DNAH2: variants seen among roughly 807,000 people sequenced by gnomAD.
DNAH2 encodes axonemal beta dynein heavy chain 2.
A neutral mutation model predicts 523.5 loss-of-function variants in DNAH2; 323 were observed. The ratio of observed to expected loss-of-function variants is 0.62; its 90% CI spans 0.56 to 0.68. DNAH2 has a LOEUF of 0.68. Ranked by LOEUF, DNAH2 falls within the 30% of genes least tolerant of loss-of-function variation. The pLI is 0.00. For missense variants in DNAH2, 4,907 were observed against 5,701.5 expected (o/e 0.86, Z 4.49); for synonymous variants, 2,093 against 2,177.4 (o/e 0.96, Z 1.08).
Position 7,798,702 on chromosome 17 carries a change from C to T in DNAH2, c.8543C>T (p.Pro2848Leu). The change falls in exon 55 of 86, where the codon CCT becomes CTT. Residue 2848 changes from proline (P) to leucine (L), a missense_variant. Physicochemically the swap from Pro to Leu is moderately conservative, Grantham distance 98. This residue lies in a region of DNAH2 where 1,851 missense variants were observed against 2,139.4 expected (regional missense o/e 0.87). Coordinates refer to ENST00000572933, the MANE Select transcript of DNAH2 (RefSeq NM_020877.5). The surrounding 1 kb of genome is among the most constrained non-coding windows in gnomAD (Gnocchi z 5.5). ...SSGEVPNLYK[P>L]DEFEEIQSHI... ...GGCGAGGTGCCCAATCTCTACAAGC[C>T]TGATGAATTTGAAGAGGTAGGATTC... 6.2e-7 allele frequency: 1 copy of T among 1,613,622 alleles called. No individual in the cohort carries two copies. Among genetic ancestry groups the T allele is most frequent in the Non-Finnish European group, 8.5e-7 (1 of 1,179,978 alleles).
At position 7,760,086 on chromosome 17, in the gene DNAH2, C is replaced by T. The variant is rs887676903; in HGVS notation, c.2785+148C>T. ...GAAAACTCAGGTCAAGGGGCCAGAT[C>T]GGCTGGCACAGTGGCTTGTGCCTGT... is the stretch of plus-strand genomic sequence containing the variant. On this transcript the variant is annotated intron_variant, in intron 17 of 85. Coordinates refer to ENST00000572933, the MANE Select transcript of DNAH2 (RefSeq NM_020877.5). The surrounding 1 kb of genome is among the most constrained non-coding windows in gnomAD (Gnocchi z 4.0). 5.5e-5 allele frequency: 68 copies of T among 1,245,262 alleles called. No homozygotes were observed. Among genetic ancestry groups the T allele is most frequent in the African/African-American group, 1.5e-4 (10 of 67,274 alleles). The allele number at this position is 1,245,262 out of a possible 1,614,324, so 77.1% of individuals were successfully genotyped here.
Position 7,733,198 on chromosome 17 carries a change from C to T in DNAH2, c.511C>T (p.Leu171=). The change falls in exon 5 of 86, where the codon CTG becomes TTG. Residue 171 remains leucine (L), a synonymous_variant. Coordinates refer to ENST00000572933, the MANE Select transcript of DNAH2 (RefSeq NM_020877.5). ...GGTGCGGGGCCCCTATATCCCGGCC[C>T]TGCTTCGGCTGCTCGGTGGAGTCTT... ...GTVRGPYIPA[L]LRLLGGVFAP... 6 of 1,614,218 alleles carry T rather than the reference C, an allele frequency of 3.7e-6. No homozygotes were observed. Among genetic ancestry groups the T allele is most frequent in the Non-Finnish European group, 5.1e-6 (6 of 1,180,048 alleles).
rs148680252 is a variant in DNAH2, at chr17:7,754,416, C to A, written c.1905-2675C>A. 1.9e-5 allele frequency: 12 copies of A among 645,688 alleles called. No homozygotes were observed. 40.0% of individuals were successfully genotyped at this position (645,688 alleles called of 1,614,324 possible). On this transcript the variant is annotated intron_variant, in intron 12 of 85. Transcript: ENST00000572933. The surrounding 1 kb of genome is among the most constrained non-coding windows in gnomAD (Gnocchi z 4.6). The stretch of plus-strand genomic sequence containing the variant: ...GACATGGCCAAGTCCACACCATACA[C>A]CACCAGTCCCGAAAATGGCACAGAA...
At chr17:7,730,844 G>T (rs2074962092) in intron 4 of DNAH2, among the ~76,000 whole-genome samples, 1 of 152,042 alleles carries the variant, frequency 6.6e-6, no homozygotes. Context: ...GCTGGGCACG[G>T]TGGCTCACGC....
rs766401899 is a variant in DNAH2 at position 7,776,039 on chromosome 17, G to A, written c.4837G>A (p.Val1613Met). ...CTCCCCCCAGTCCTGGCTTGGCGATGTGGAACAGACCATGAGGGTGACCCT... is the reference window on the plus strand; with the variant it reads ...CTCCCCCCAGTCCTGGCTTGGCGATATGGAACAGACCATGAGGGTGACCCT... ...EGPVESWLGDVEQTMRVTLRD... is the reference protein window; with the variant it reads ...EGPVESWLGDMEQTMRVTLRD... The change falls in exon 31 of 86, where the codon GTG becomes ATG. Residue 1613 changes from valine (V) to methionine (M), a missense_variant. This residue lies in a region of DNAH2 where 2,806 missense variants were observed against 3,190.8 expected (regional missense o/e 0.88). Coordinates refer to ENST00000572933, the MANE Select transcript of DNAH2 (RefSeq NM_020877.5). 5 of 1,614,004 alleles carry A rather than the reference G, an allele frequency of 3.1e-6. No individual in the cohort carries two copies. In the Admixed American group the frequency reaches 6.7e-5, roughly 22 times the overall value.
Position 7,831,755 on chromosome 17 carries a change from G to A in DNAH2, c.12706G>A (p.Val4236Ile). 1 of 1,614,006 alleles carries A rather than the reference G, an allele frequency of 6.2e-7. No homozygotes were observed. Among genetic ancestry groups the A allele is most frequent in the Non-Finnish European group, 8.5e-7 (1 of 1,179,952 alleles). ...TTTCAATTGCATCTTTGATGCCCAT[G>A]TTCCTCCGCTCTGGGGAAAGGCAAG... is the stretch of plus-strand genomic sequence containing the variant. Reference protein sequence around the residue: ...EIFNCIFDAHVPPLWGKAYPS... With the variant: ...EIFNCIFDAHIPPLWGKAYPS... Residue 4236 changes from valine (V) to isoleucine (I), a missense_variant, in exon 82 of 86, where the codon GTT (valine) becomes ATT (isoleucine). Val to Ile is a conservative substitution (Grantham distance 29, BLOSUM62 3). Around this residue, in one of 3 missense-constraint regions of DNAH2, gnomAD observed 1,851 missense variants for 2,139.4 expected, o/e 0.87. Transcript: ENST00000572933. This position sits in a 1 kb window ranked among gnomAD's most constrained non-coding sequence, Gnocchi z 4.2.
rs555700792 is a variant in DNAH2, at chr17:7,733,189, A to G, written c.502A>G (p.Ile168Val). 1.2e-4 allele frequency: 188 copies of G among 1,613,986 alleles called. 2 individuals are homozygous for G. In the South Asian group the frequency reaches 2.0e-3, roughly 17 times the overall value. Residue 168 changes from isoleucine to valine, a missense_variant, in exon 5 of 86, where the codon ATC (isoleucine) becomes GTC (valine). By Grantham distance (29) the Ile-to-Val change is conservative (BLOSUM62 3). Around this residue, in one of 3 missense-constraint regions of DNAH2, gnomAD observed 2,806 missense variants for 3,190.8 expected, o/e 0.88. Transcript: ENST00000572933. ...VQFGTVRGPY[I>V]PALLRLLGGV... Reference sequence around the variant, plus strand: ...GTTTGGGACGGTGCGGGGCCCCTATATCCCGGCCCTGCTTCGGCTGCTCGG... The same window carrying G: ...GTTTGGGACGGTGCGGGGCCCCTATGTCCCGGCCCTGCTTCGGCTGCTCGG...
rs553708959 is a variant in DNAH2 at position 7,814,484 on chromosome 17, C to T, written c.9730-2087C>T. On this transcript the variant is annotated intron_variant, in intron 63 of 85. Coordinates refer to ENST00000572933, the MANE Select transcript of DNAH2 (RefSeq NM_020877.5). Reference sequence around the variant, plus strand: ...AATTTTTAAAAATTTAAAGCTCCAACGAGATTAGCATACTTTAAAAATAGA... The same window carrying T: ...AATTTTTAAAAATTTAAAGCTCCAATGAGATTAGCATACTTTAAAAATAGA... Among the ~76,000 whole-genome samples the T allele has an allele frequency of 2.0e-5, 3 of 152,238 alleles. No homozygotes were observed. The East Asian group carries it at 5.8e-4, about 29-fold the overall frequency.
At chr17:7,829,642 G>A (rs1156395506) in intron 77 of DNAH2, among the ~76,000 whole-genome samples, 4 of 151,880 alleles carry the variant, frequency 2.6e-5, no homozygotes, top group African/African-American at 4.8e-5. Context: ...TTAGTTGAAC[G>A]TATATGTACT....
chr17:7,736,628 T>C (rs2075150503), intron 7 of DNAH2, among the ~76,000 whole-genome samples: 1 of 152,142 alleles, frequency 6.6e-6, no homozygotes, highest in African/African-American at 2.4e-5. Context: ...CGCTACTGTG[T>C]AGGGCTGATG....
chr17:7,757,648 T>C (rs2075882448), intron 13 of DNAH2, among the ~76,000 whole-genome samples: 1 of 152,212 alleles, frequency 6.6e-6, no homozygotes, highest in African/African-American at 2.4e-5. Context: ...GAGTGAGGCT[T>C]TGTTCTGGGT....
intron 4 of DNAH2, among the ~76,000 whole-genome samples, chr17:7,731,183 A>T (rs1270310238): frequency 6.6e-6 from 1 of 151,952 alleles, no homozygotes; most frequent in Non-Finnish European, 1.5e-5. Flanking sequence ...AATCAATGCC[A>T]TGAAAGAAAA....
At position 7,797,900 on chromosome 17, in the gene DNAH2, C is replaced by T. The variant is rs1316436248; in HGVS notation, c.8230+71C>T. The T allele has an allele frequency of 1.9e-5, 29 of 1,526,374 alleles. No individual in the cohort carries two copies. The East Asian group carries it at 5.9e-4, about 31-fold the overall frequency. 94.6% of individuals were successfully genotyped at this position (1,526,374 alleles called of 1,614,324 possible). A position where few individuals can be genotyped will look rare whatever the true frequency, so the allele number is the denominator to read the frequency against. On this transcript the variant is annotated intron_variant, in intron 53 of 85. Transcript: ENST00000572933. ...GGGGTATGTCTAAGGAAATAGGGGT[C>T]CCTTCCCAGGTCTCCCAAATCAAGT...
chr17:7,792,457 C>G (rs911731314), intron 46 of DNAH2, 114 bp downstream of exon 46: 22 of 1,187,414 alleles, frequency 1.9e-5, no homozygotes, highest in Non-Finnish European at 2.5e-5. Flanking sequence ...AAGGTGGGTC[C>G]CAGAGAAGGG....
chr17:7,827,747 AT>A (rs142087745), intron 77 of DNAH2, among the ~76,000 whole-genome samples: 10 of 150,488 alleles, frequency 6.6e-5, no homozygotes, highest in African/African-American at 1.5e-4. Context: ...CGCCCAGCCA[AT>A]TTTTTTTTTC....
chr17:7,825,696 C>T (rs751740724), intron 77 of DNAH2, among the ~76,000 whole-genome samples: 2 of 152,222 alleles, frequency 1.3e-5, no homozygotes, highest in Non-Finnish European at 2.9e-5. Context: ...TCTCCTTTCA[C>T]AAGTTGTTGG....
In DNAH2 at chr17:7,798,559, T is replaced by A. The variant is rs745625899; in HGVS notation, c.8400T>A (p.Asp2800Glu). Residue 2800 changes from aspartate (D) to glutamate (E), a missense_variant and splice_region_variant, in exon 55 of 86, where the codon GAT becomes GAA. Physicochemically the swap from Asp to Glu is conservative, Grantham distance 45. Around this residue, in one of 3 missense-constraint regions of DNAH2, gnomAD observed 1,851 missense variants for 2,139.4 expected, o/e 0.87. Coordinates refer to ENST00000572933, the MANE Select transcript of DNAH2 (RefSeq NM_020877.5). The surrounding 1 kb of genome is among the most constrained non-coding windows in gnomAD (Gnocchi z 5.5). ...GTCCTCCTTCCCTCCCCCGGCCAGA[T>A]ATCAAGCGTCTGTATCGCCAGGCTG... is the stretch of plus-strand genomic sequence containing the variant. ...KHYRKQEFRDDIKRLYRQAGV... is the reference protein window; with the variant it reads ...KHYRKQEFRDEIKRLYRQAGV... 3.7e-6 allele frequency: 6 copies of A among 1,613,988 alleles called. No individual in the cohort carries two copies. The South Asian group carries it at 6.6e-5, about 18-fold the overall frequency.
In DNAH2 at chr17:7,823,520, C is replaced by T. The variant is rs1300513290; in HGVS notation, c.11221C>T (p.Leu3741=). 4 of 1,614,156 alleles carry T rather than the reference C, an allele frequency of 2.5e-6. No homozygotes were observed. Among genetic ancestry groups the T allele is most frequent in the Non-Finnish European group, 3.4e-6 (4 of 1,180,018 alleles). Residue 3741 remains leucine (L), a synonymous_variant, in exon 74 of 86, where the codon CTA becomes TTA. Coordinates refer to ENST00000572933, the MANE Select transcript of DNAH2 (RefSeq NM_020877.5). ...TGCCTACTGGGATAACATCACAGAG[C>T]TAGACAAACTGACCAACTTCCACGG... ...ADAYWDNITE[L]DKLTNFHGLM... is the part of the protein sequence containing the mutation.
intron 12 of DNAH2, among the ~76,000 whole-genome samples, chr17:7,752,093 C>T (rs985281644): frequency 1.4e-5 from 2 of 146,068 alleles, no homozygotes; most frequent in South Asian, 2.3e-4. Flanking sequence ...TGTGAACCAC[C>T]GGGCCTGGCC....
Sources: allele counts gnomAD v4.1 joint callset (sites outside exome capture counted in the v4.1 genomes callset), GRCh38; gene constraint gnomAD v4.1.1; regional missense constraint gnomAD v4.1.1; non-coding constraint Gnocchi (gnomAD v3.1); transcripts MANE v1.5; gene names NCBI Gene and HGNC (gene_info 2026-07-23, HGNC 2026-07-21).